Variants in RBFOX1 observed in about 807,000 individuals in gnomAD.
The protein encoded by RBFOX1 is RNA binding fox-1 homolog 1.
In RBFOX1, 8 loss-of-function variants were observed where a neutral mutation model predicts 57.7. The observed-to-expected ratio is 0.14, with a 90% confidence interval of 0.08 to 0.25. The LOEUF is 0.25. Ranked by LOEUF, RBFOX1 falls within the 10% of genes least tolerant of loss-of-function variation. The pLI, the probability that RBFOX1 is intolerant of heterozygous loss-of-function variation, is 1.00. For synonymous variants in RBFOX1, 326 were observed against 222.4 expected (o/e 1.47, Z -4.15); for missense variants, 611 against 548.5 (o/e 1.11, Z -1.14).
intron 4 of RBFOX1, among the ~76,000 whole-genome samples, chr16:7,320,804 T>G (rs1367714572): frequency 6.6e-6 from 1 of 152,264 alleles, no homozygotes; most frequent in Non-Finnish European, 1.5e-5. Flanking sequence ...TATGTGGTTA[T>G]ATTACTTAGA....
chr16:6,564,480 A>AAACG (rs2097228854), intron 2 of RBFOX1, among the ~76,000 whole-genome samples: 2 of 151,890 alleles, frequency 1.3e-5, no homozygotes, highest in African/African-American at 4.8e-5. Context: ...AAAAACAAAC[A>AAACG]AAAATAAACA....
chr16:6,715,553 G>A (rs1372262410), intron 3 of RBFOX1, among the ~76,000 whole-genome samples: 2 of 152,126 alleles, frequency 1.3e-5, no homozygotes, highest in African/African-American at 4.8e-5. Context: ...CTCCATCGCT[G>A]AAAACTCCCG....
At chr16:6,078,341 G>T (rs1190674471) in intron 1 of RBFOX1, among the ~76,000 whole-genome samples, 2 of 152,170 alleles carry the variant, frequency 1.3e-5, no homozygotes, top group Non-Finnish European at 2.9e-5. Context: ...TGTGGCCCGG[G>T]ACGGCTTTGA....
chr16:6,955,999 C>G (rs1441543168), intron 3 of RBFOX1, among the ~76,000 whole-genome samples: 1 of 152,212 alleles, frequency 6.6e-6, no homozygotes, highest in African/African-American at 2.4e-5. Context: ...AGCCACCAGA[C>G]CCGGCCTCCA....
chr16:6,696,617 C>G (rs1298354130), intron 3 of RBFOX1, among the ~76,000 whole-genome samples: 1 of 152,110 alleles, frequency 6.6e-6, no homozygotes, highest in Non-Finnish European at 1.5e-5. Context: ...GTCTCTTCAT[C>G]AAATATTATA....
intron 2 of RBFOX1, among the ~76,000 whole-genome samples, chr16:6,334,507 C>CA (rs35514991): frequency 0.12 from 13,456 of 115,824 alleles, 904 homozygotes; most frequent in African/African-American, 0.14. Context: ...GATAGCATCT[C>CA]AAAAAAAAAA....
intron 14 of RBFOX1, among the ~76,000 whole-genome samples, chr16:7,682,340 G>C (rs920229961): frequency 1.2e-4 from 18 of 152,014 alleles, no homozygotes; most frequent in African/African-American, 4.1e-4. Context: ...GATCAACAAG[G>C]AACTGAGGAT....
At chr16:6,785,540 C>T (rs531250538) in intron 3 of RBFOX1, among the ~76,000 whole-genome samples, 135 of 152,284 alleles carry the variant, frequency 8.9e-4, no homozygotes, top group Non-Finnish European at 1.2e-3. Context: ...GCAGTAGTTC[C>T]TCTTACCACT....
At chr16:6,506,015 A>C (rs1279107812) in intron 2 of RBFOX1, among the ~76,000 whole-genome samples, 1 of 152,210 alleles carries the variant, frequency 6.6e-6, no homozygotes, top group Non-Finnish European at 1.5e-5. Flanking sequence ...ATCTGAGCTA[A>C]CTGGGATAGG....
downstream of RBFOX1, chr16:5,601,291 T>A (rs1412330560): frequency 6.6e-6 from 1 of 152,316 alleles, no homozygotes; most frequent in Non-Finnish European, 1.5e-5. Flanking sequence ...ACCCAAGGTG[T>A]TTCACCTAAC....
intron 5 of RBFOX1, among the ~76,000 whole-genome samples, chr16:7,518,664 A>G (rs1026286358): frequency 6.6e-5 from 10 of 152,150 alleles, no homozygotes; most frequent in Admixed American, 1.3e-4. Flanking sequence ...CCTTTCTAGA[A>G]TGTCATCCCA....
chr16:7,221,636 G>C (rs1383955026), intron 4 of RBFOX1, among the ~76,000 whole-genome samples: 4 of 152,126 alleles, frequency 2.6e-5, no homozygotes, highest in Non-Finnish European at 1.5e-5. Context: ...CAAAGTACTG[G>C]GATTACAGGC....
intron 3 of RBFOX1, among the ~76,000 whole-genome samples, chr16:7,002,696 G>A (rs1253882324): frequency 6.6e-6 from 1 of 152,172 alleles, no homozygotes; most frequent in African/African-American, 2.4e-5. Context: ...TGGTGATAGA[G>A]TGAGGGTCCA....
chr16:7,326,312 T>A (rs1460497166), intron 4 of RBFOX1, among the ~76,000 whole-genome samples: 1 of 152,076 alleles, frequency 6.6e-6, no homozygotes, highest in Admixed American at 6.5e-5. Context: ...GCCCCATAGA[T>A]CACGAGTGCT....
At chr16:5,296,999 T>C (rs1348499891) in intron 1 of RBFOX1, among the ~76,000 whole-genome samples, 2 of 152,254 alleles carry the variant, frequency 1.3e-5, no homozygotes, top group East Asian at 3.9e-4. Flanking sequence ...TCCACATGTA[T>C]TTGAGATCTT....
At chr16:6,625,231 T>G (rs932144921) in intron 2 of RBFOX1, among the ~76,000 whole-genome samples, 182 of 148,672 alleles carry the variant, frequency 1.2e-3, no homozygotes, top group African/African-American at 4.0e-3. Flanking sequence ...CCAAAACAAT[T>G]TCACAAACAA....
At chr16:7,474,000 G>A (rs530199727) in intron 4 of RBFOX1, among the ~76,000 whole-genome samples, 11 of 152,118 alleles carry the variant, frequency 7.2e-5, no homozygotes, top group African/African-American at 2.4e-4. Flanking sequence ...ATTAAAAACA[G>A]CCCCCCGGCC....
rs369330899 is a variant in RBFOX1, at chr16:6,912,402, G to C, written c.-15-139655G>C. 9.9e-5 allele frequency among the ~76,000 whole-genome samples: 15 copies of C among 152,112 alleles called. No homozygotes were observed. The East Asian group carries it at 2.1e-3, about 22-fold the overall frequency. On this transcript the variant is annotated intron_variant, in intron 3 of 15. Coordinates refer to ENST00000550418, the MANE Select transcript of RBFOX1 (RefSeq NM_018723.4). ...GGGGACGGTACATTTTGCGAACCAC[G>C]GGGCTACTGAAATGAGGTGTCTGTT... is the stretch of plus-strand genomic sequence containing the variant.
At chr16:5,392,694 T>A (rs967795412) in intron 1 of RBFOX1, among the ~76,000 whole-genome samples, 3 of 152,090 alleles carry the variant, frequency 2.0e-5, no homozygotes, top group African/African-American at 7.2e-5. Flanking sequence ...AACCTAGATG[T>A]ATCGTACCTT....
Sources: gnomAD v4.1 joint callset for allele counts (sites outside exome capture counted in the v4.1 genomes callset) on GRCh38, gnomAD v4.1.1 for gene constraint, MANE v1.5 for transcripts, NCBI Gene and HGNC (gene_info 2026-07-23, HGNC 2026-07-21) for gene names.